The following TMEM170B variants were observed in gnomAD, a reference collection of about 807,000 sequenced individuals.
TMEM170B encodes transmembrane protein 170B.
TMEM170B carries 6 observed loss-of-function variants against 13.0 expected under a neutral mutation model. That is an observed-to-expected ratio of 0.46 (90% CI 0.25 to 0.91). The LOEUF (loss-of-function observed/expected upper bound fraction) is 0.91. TMEM170B is among the 40% of genes least tolerant of loss of function. The pLI is 0.17. For missense variants in TMEM170B, 138 were observed against 165.2 expected (o/e 0.84, Z 0.90); for synonymous variants, 61 against 64.9 (o/e 0.94, Z 0.29).
At chr6:11,559,033 C>G (rs12190208) in intron 1 of TMEM170B, among the ~76,000 whole-genome samples, 8,809 of 152,092 alleles carry the variant, frequency 0.058, 279 homozygotes, top group East Asian at 0.16. Context: ...GCCATATAAT[C>G]TCTGTCTCAA....
intron 1 of TMEM170B, among the ~76,000 whole-genome samples, chr6:11,542,399 TC>T (rs924854995): frequency 2.0e-5 from 3 of 152,160 alleles, no homozygotes; most frequent in African/African-American, 7.2e-5. Context: ...CAGGGTTAGC[TC>T]CAATATGTCT....
Position 11,575,730 on chromosome 6 carries a change from T to C in TMEM170B, c.*169T>C. On this transcript the variant is annotated 3_prime_UTR_variant, in exon 3 of 3. Coordinates refer to ENST00000379426, the MANE Select transcript of TMEM170B (RefSeq NM_001100829.3). The surrounding 1 kb of genome is among the most constrained non-coding windows in gnomAD (Gnocchi z 4.1). ...GAAGGATTGCCCTCTGGTGTTCAAG[T>C]GATTGCACTACCGCACTGCACCTTA... The C allele has an allele frequency of 2.8e-6, 2 of 707,814 alleles. No homozygotes were observed. Among genetic ancestry groups the C allele is most frequent in the Non-Finnish European group, 4.6e-6 (2 of 437,384 alleles). The allele number at this position is 707,814 out of a possible 1,614,324, so 43.8% of individuals were successfully genotyped here.
At chr6:11,538,489 G>A in intron 1 of TMEM170B, 115 bp downstream of exon 1, 1 of 773,206 alleles carries the variant, frequency 1.3e-6, no homozygotes, top group Non-Finnish European at 1.9e-6. Context: ...GCCCCGCTCG[G>A]AGCTCCAGGT....
chr6:11,574,727 G>A (rs1409137899), intron 2 of TMEM170B, among the ~76,000 whole-genome samples: 1 of 152,110 alleles, frequency 6.6e-6, no homozygotes, highest in Non-Finnish European at 1.5e-5. Flanking sequence ...AATCAGATGA[G>A]CACTGAGGTT....
At chr6:11,552,718 CTG>C (rs1759541284) in intron 1 of TMEM170B, among the ~76,000 whole-genome samples, 1 of 152,136 alleles carries the variant, frequency 6.6e-6, no homozygotes, top group African/African-American at 2.4e-5. Context: ...CATATATTCT[CTG>C]TTTACTTTGG....
At chr6:11,556,913 A>G (rs1054556227) in intron 1 of TMEM170B, among the ~76,000 whole-genome samples, 1 of 152,136 alleles carries the variant, frequency 6.6e-6, no homozygotes, top group Non-Finnish European at 1.5e-5. Flanking sequence ...CACCTCCCGC[A>G]GGCCTATACC....
At position 11,574,258 on chromosome 6, in the gene TMEM170B, A is replaced by G. The variant is rs540703760; in HGVS notation, c.269-1173A>G. 1.6e-4 allele frequency among the ~76,000 whole-genome samples: 25 copies of G among 152,284 alleles called. 1 individual carries two copies. The South Asian group carries it at 5.0e-3, about 30-fold the overall frequency. ...GCAAAATACATAGTATATGGTAAGT[A>G]CACTATTTTAATTTCCTTTTATTTT... On this transcript the variant is annotated intron_variant, in intron 2 of 2. Transcript: ENST00000379426.
rs549144717 is a variant in TMEM170B, at chr6:11,582,468, A to G, written c.*6907A>G. ...TACTAACTTCATATGGTTCAATGTA[A>G]ATCAGTTACTTAGTCATTGACTGTG... On this transcript the variant is annotated 3_prime_UTR_variant, in exon 3 of 3. Coordinates refer to ENST00000379426, the MANE Select transcript of TMEM170B (RefSeq NM_001100829.3). 1 of 152,336 alleles carries G rather than the reference A, an allele frequency of 6.6e-6. No individual in the cohort carries two copies. Among genetic ancestry groups the G allele is most frequent in the South Asian group, 2.1e-4 (1 of 4,830 alleles). 9.4% of individuals were successfully genotyped at this position (152,336 alleles called of 1,614,324 possible).
rs192462829 is a variant in TMEM170B at position 11,582,181 on chromosome 6, T to C, written c.*6620T>C. ...GAAAGTTAACTAGCTAAAATGTCTT[T>C]ATTTAAATAGCAAAAATATAGTTTA... is the stretch of plus-strand genomic sequence containing the variant. On this transcript the variant is annotated 3_prime_UTR_variant, in exon 3 of 3. Transcript: ENST00000379426. 5 of 152,374 alleles carry C rather than the reference T, an allele frequency of 3.3e-5. No homozygotes were observed. The highest frequency in any genetic ancestry group is 1.2e-4 in the African/African-American group (5 of 41,588). 9.4% of individuals were successfully genotyped at this position (152,374 alleles called of 1,614,324 possible).
In TMEM170B at chr6:11,575,294, T is replaced by C. The variant is rs1281981536; in HGVS notation, c.269-137T>C. On this transcript the variant is annotated intron_variant, in intron 2 of 2. Coordinates refer to ENST00000379426, the MANE Select transcript of TMEM170B (RefSeq NM_001100829.3). The surrounding 1 kb of genome is among the most constrained non-coding windows in gnomAD (Gnocchi z 4.1). ...TTTCACCAATCACAGGGAAACTTTT[T>C]CATAGAAAGTGGATAAAATGAGAAA... 2 of 1,230,342 alleles carry C rather than the reference T, an allele frequency of 1.6e-6. No homozygotes were observed. The highest frequency in any genetic ancestry group is 3.0e-5 in the African/African-American group (2 of 65,994). The allele number at this position is 1,230,342 out of a possible 1,614,324, so 76.2% of individuals were successfully genotyped here. A position where few individuals can be genotyped will look rare whatever the true frequency, so the allele number is the denominator to read the frequency against.
chr6:11,546,382 T>A (rs1759440336), intron 1 of TMEM170B, among the ~76,000 whole-genome samples: 1 of 152,220 alleles, frequency 6.6e-6, no homozygotes, highest in South Asian at 2.1e-4. Flanking sequence ...CTTAAAAGTT[T>A]ATAAAGTAAA....
intron 1 of TMEM170B, among the ~76,000 whole-genome samples, chr6:11,564,497 T>C (rs1018312121): frequency 2.0e-5 from 3 of 152,258 alleles, no homozygotes; most frequent in Non-Finnish European, 4.4e-5. Context: ...CTTTGTATTA[T>C]AGAATGTTTG....
chr6:11,538,680 G>C (rs113860536), intron 1 of TMEM170B, among the ~76,000 whole-genome samples: 3 of 152,344 alleles, frequency 2.0e-5, no homozygotes, highest in African/African-American at 7.2e-5. Context: ...TTAGTGCTGA[G>C]ACTTGAGCGC....
At chr6:11,569,168 G>A (rs1759769233) in intron 2 of TMEM170B, among the ~76,000 whole-genome samples, 2 of 151,726 alleles carry the variant, frequency 1.3e-5, no homozygotes, top group Admixed American at 1.3e-4. Flanking sequence ...CTTTTTATTA[G>A]GTTACAGATA....
chr6:11,539,922 A>G (rs924027613), intron 1 of TMEM170B, among the ~76,000 whole-genome samples: 4 of 152,246 alleles, frequency 2.6e-5, no homozygotes, highest in African/African-American at 9.6e-5. Context: ...ATTGCAATAA[A>G]GTGAGCCAAA....
intron 1 of TMEM170B, among the ~76,000 whole-genome samples, chr6:11,545,506 A>T (rs1313293761): frequency 6.6e-6 from 1 of 152,158 alleles, no homozygotes; most frequent in Non-Finnish European, 1.5e-5. Flanking sequence ...GAGCTAAAAA[A>T]ATTCTGTCAC....
At chr6:11,552,249 A>G (rs180754729) in intron 1 of TMEM170B, among the ~76,000 whole-genome samples, 23 of 152,358 alleles carry the variant, frequency 1.5e-4, no homozygotes, top group Non-Finnish European at 4.4e-5. Context: ...ATTTGGACTT[A>G]TTAAAATTTC....
intron 1 of TMEM170B, among the ~76,000 whole-genome samples, chr6:11,550,140 T>A (rs534243547): frequency 1.3e-5 from 2 of 152,016 alleles, no homozygotes; most frequent in East Asian, 3.9e-4. Flanking sequence ...GCCCTGCCTC[T>A]AATTTTTTTC....
intron 2 of TMEM170B, among the ~76,000 whole-genome samples, chr6:11,567,110 A>T (rs1759743801): frequency 6.6e-6 from 1 of 152,218 alleles, no homozygotes; most frequent in Non-Finnish European, 1.5e-5. Flanking sequence ...GGGTGGGGGC[A>T]GCCCTCTCCT....
Sources: gnomAD v4.1 joint callset for allele counts (sites outside exome capture counted in the v4.1 genomes callset) on GRCh38, gnomAD v4.1.1 for gene constraint, Gnocchi (gnomAD v3.1) non-coding constraint, MANE v1.5 for transcripts, NCBI Gene and HGNC (gene_info 2026-07-23, HGNC 2026-07-21) for gene names.